Variants in NCKAP5 observed in about 807,000 individuals in gnomAD.
NCKAP5 encodes NCK associated protein 5.
NCKAP5 carries 92 observed loss-of-function variants against 167.0 expected under a neutral mutation model. The observed-to-expected ratio is 0.55, with a 90% CI of 0.47 to 0.66. The LOEUF is 0.66. Ranked by LOEUF, NCKAP5 falls within the 30% of genes least tolerant of loss-of-function variation. NCKAP5 has a pLI of 0.00. For synonymous variants in NCKAP5, 891 were observed against 877.4 expected, an observed-to-expected ratio of 1.02 and a Z score of -0.27; for missense variants, 2,378 against 2,315.0, an observed-to-expected ratio of 1.03 and a Z score of -0.56.
At chr2:132,696,915 TCTCA>T (rs1384400356) in intron 19 of NCKAP5, among the ~76,000 whole-genome samples, 1 of 152,104 alleles carries the variant, frequency 6.6e-6, no homozygotes, top group African/African-American at 2.4e-5. Flanking sequence ...GGGAACATGG[TCTCA>T]CTCTGTCACC....
chr2:132,687,828 C>T (rs1048400920), intron 19 of NCKAP5, among the ~76,000 whole-genome samples: 3 of 151,848 alleles, frequency 2.0e-5, no homozygotes, highest in Non-Finnish European at 4.4e-5. Flanking sequence ...AATAGAATCA[C>T]CCCCTCACAA....
chr2:132,857,484 C>A (rs1447553), intron 11 of NCKAP5, among the ~76,000 whole-genome samples: 39,206 of 151,986 alleles, frequency 0.26, 5,349 homozygotes, highest in East Asian at 0.45. Context: ...TACTAGCTGC[C>A]AACATTCATT....
At chr2:133,455,768 C>T (rs1691817250) in intron 3 of NCKAP5, among the ~76,000 whole-genome samples, 1 of 152,078 alleles carries the variant, frequency 6.6e-6, no homozygotes, top group Admixed American at 6.6e-5. Flanking sequence ...TTTTTTTATA[C>T]AAGAAAACAG....
At chr2:132,909,288 G>A (rs1694251292) in intron 8 of NCKAP5, among the ~76,000 whole-genome samples, 1 of 152,090 alleles carries the variant, frequency 6.6e-6, no homozygotes, top group Admixed American at 6.5e-5. Flanking sequence ...GGAGGTTGCT[G>A]TGAACTGAGA....
At chr2:133,636,300 A>G in the NCKAP5 span, among the ~76,000 whole-genome samples, 1 of 152,226 alleles carries the variant, frequency 6.6e-6, no homozygotes, top group South Asian at 2.1e-4. Context: ...GCATGTTTAT[A>G]TCAAAGACAG....
chr2:133,090,212 TAA>T (rs56131091), intron 6 of NCKAP5, among the ~76,000 whole-genome samples: 12,293 of 135,622 alleles, frequency 0.091, 711 homozygotes, highest in African/African-American at 0.17. Context: ...ACAAGAAAAT[TAA>T]AAAAAAAAAA....
chr2:132,742,372 C>G (rs1417564679), intron 16 of NCKAP5, among the ~76,000 whole-genome samples: 1 of 151,926 alleles, frequency 6.6e-6, no homozygotes, highest in Non-Finnish European at 1.5e-5. Context: ...TTTAAATCAG[C>G]TTTATTTGTC....
intron 17 of NCKAP5, among the ~76,000 whole-genome samples, chr2:132,730,624 T>G (rs1690905203): frequency 6.6e-6 from 1 of 152,244 alleles, no homozygotes; most frequent in African/African-American, 2.4e-5. Flanking sequence ...CTATTCAATT[T>G]GTTATAATGA....
intron 8 of NCKAP5, among the ~76,000 whole-genome samples, chr2:132,895,205 C>A (rs914753960): frequency 2.6e-5 from 4 of 151,758 alleles, no homozygotes; most frequent in Admixed American, 1.3e-4. Context: ...GTGGCGGGCG[C>A]CTGTAGTCCC....
At chr2:133,128,889 C>T (rs904856072) in intron 6 of NCKAP5, among the ~76,000 whole-genome samples, 6 of 151,582 alleles carry the variant, frequency 4.0e-5, no homozygotes, top group Non-Finnish European at 7.4e-5. Flanking sequence ...TGAACCACTG[C>T]GTCTGGCCAC....
At chr2:132,979,081 C>G (rs1173498463) in intron 7 of NCKAP5, among the ~76,000 whole-genome samples, 1 of 152,186 alleles carries the variant, frequency 6.6e-6, no homozygotes, top group Non-Finnish European at 1.5e-5. Context: ...ATCCTCTCTG[C>G]CAAGCTTCCA....
At chr2:133,195,021 C>G (rs1277343235) in intron 5 of NCKAP5, among the ~76,000 whole-genome samples, 1 of 151,920 alleles carries the variant, frequency 6.6e-6, no homozygotes, top group Non-Finnish European at 1.5e-5. Flanking sequence ...ATATAAGATG[C>G]TGAGTTTCTC....
intron 3 of NCKAP5, among the ~76,000 whole-genome samples, chr2:133,320,544 T>C (rs576327816): frequency 3.0e-4 from 45 of 152,152 alleles, no homozygotes; most frequent in African/African-American, 4.8e-4. Flanking sequence ...CTGGCTAACA[T>C]GGTGAAACCC....
chr2:133,402,130 T>G (rs950137403), intron 3 of NCKAP5, among the ~76,000 whole-genome samples: 1 of 152,114 alleles, frequency 6.6e-6, no homozygotes, highest in African/African-American at 2.4e-5. Flanking sequence ...GAGGGTTGGA[T>G]TATTGGTGGA....
chr2:133,561,053 GA>G (rs1688119918), intron 1 of NCKAP5, among the ~76,000 whole-genome samples: 1 of 152,078 alleles, frequency 6.6e-6, no homozygotes, highest in Non-Finnish European at 1.5e-5. Flanking sequence ...TTCCTCTTAA[GA>G]AAACAATGAA....
At chr2:133,037,091 C>G (rs1192440979) in intron 6 of NCKAP5, among the ~76,000 whole-genome samples, 2 of 151,758 alleles carry the variant, frequency 1.3e-5, no homozygotes, top group African/African-American at 4.8e-5. Flanking sequence ...AGGAATTAAC[C>G]AAAGAAGTGC....
the NCKAP5 span, among the ~76,000 whole-genome samples, chr2:133,674,234 A>AG: frequency 1.4e-5 from 1 of 73,770 alleles, no homozygotes; most frequent in Non-Finnish European, 2.8e-5. Context: ...ACCCAGGAAG[A>AG]GGGAAAAAAG....
chr2:133,506,960 TCAC>T (rs1315226210), intron 3 of NCKAP5, among the ~76,000 whole-genome samples: 1 of 152,192 alleles, frequency 6.6e-6, no homozygotes, highest in Non-Finnish European at 1.5e-5. Context: ...CACTTCCTTC[TCAC>T]CACACCTCAC....
chr2:132,727,537 A>G (rs1690581280), intron 18 of NCKAP5, among the ~76,000 whole-genome samples: 1 of 152,354 alleles, frequency 6.6e-6, no homozygotes, highest in Admixed American at 6.5e-5. Flanking sequence ...TGTGGGCAAC[A>G]AGATTGTAGC....
Sources: gnomAD v4.1 joint callset for allele counts (sites outside exome capture counted in the v4.1 genomes callset) on GRCh38, gnomAD v4.1.1 for gene constraint, MANE v1.5 for transcripts, NCBI Gene and HGNC (gene_info 2026-07-23, HGNC 2026-07-21) for gene names.